The following COL8A2 variants were observed in gnomAD, a reference collection of about 807,000 sequenced individuals.
COL8A2 encodes collagen alpha-2(VIII) chain.
A neutral mutation model predicts 24.0 loss-of-function variants in COL8A2; 16 were observed. That is an observed-to-expected ratio of 0.67 (90% CI 0.45 to 1.01). COL8A2 has a LOEUF of 1.01. Among genes scored for constraint, COL8A2 ranks in the 50% least tolerant of loss-of-function variants. The pLI, the probability that COL8A2 is intolerant of heterozygous loss-of-function variation, is 0.00. For synonymous variants in COL8A2, 466 were observed against 424.5 expected, an observed-to-expected ratio of 1.10 and a Z score of -1.20; for missense variants, 818 against 942.4, an observed-to-expected ratio of 0.87 and a Z score of 1.73.
chr1:36,098,920 G>C lies in COL8A2; in HGVS notation c.761C>G (p.Ser254Cys), dbSNP rs1266519469. ...LPGAPGDKGE[S>C]GPPGVPGPRG... is the part of the protein sequence containing the mutation. The stretch of plus-strand genomic sequence containing the variant: ...GGGGCCTGGAACTCCAGGAGGCCCA[G>C]ACTCACCCTTGTCTCCTGGGGCCCC... Residue 254 changes from serine to cysteine, a missense_variant, in exon 4 of 4, where the codon TCT becomes TGT. Physicochemically the swap from Ser to Cys is moderately radical, Grantham distance 112. Coordinates refer to ENST00000397799, the MANE Select transcript of COL8A2 (RefSeq NM_005202.4). 4 of 1,611,040 alleles carry C rather than the reference G, an allele frequency of 2.5e-6. No homozygotes were observed. The highest frequency in any genetic ancestry group is 3.4e-6 in the Non-Finnish European group (4 of 1,179,152).
rs930662398 is a variant in COL8A2 at position 36,100,116 on chromosome 1, A to T, written c.127T>A (p.Tyr43Asn). The T allele has an allele frequency of 6.2e-7, 1 of 1,612,946 alleles. No homozygotes were observed. Among genetic ancestry groups the T allele is most frequent in the Non-Finnish European group, 8.5e-7 (1 of 1,179,444 alleles). The change falls in exon 3 of 4, where the codon TAC becomes AAC. Residue 43 changes from tyrosine to asparagine, a missense_variant. By Grantham distance (143) the Tyr-to-Asn change is moderately radical. Transcript: ENST00000397799. Reference sequence around the variant, plus strand: ...GGTCCTTTCTGCATGGGCTGGATGTACTTCACTGGGGCATAGCCCGCCGCC... The same window carrying T: ...GGTCCTTTCTGCATGGGCTGGATGTTCTTCACTGGGGCATAGCCCGCCGCC... ...GGAAGYAPVK[Y>N]IQPMQKGPVG... is the part of the protein sequence containing the mutation.
chr1:36,120,130 TC>T (rs1643899667), intron 1 of COL8A2, among the ~76,000 whole-genome samples: 1 of 151,988 alleles, frequency 6.6e-6, no homozygotes, highest in Non-Finnish European at 1.5e-5. Flanking sequence ...TATTCCTCTT[TC>T]CCCCTCCACA....
Position 36,103,201 on chromosome 1 carries a change from G to A in COL8A2, c.-16-2943C>T, listed in dbSNP as rs529303229. Among the ~76,000 whole-genome samples, 6 of 152,304 alleles carry A rather than the reference G, an allele frequency of 3.9e-5. No homozygotes were observed. In the East Asian group the frequency reaches 1.2e-3, roughly 29 times the overall value. ...GCTGGTCTCAAACTCCTGGGCTCAAGCAATCCTCCCACCTTGGCCTCCAAA... is the reference window on the plus strand; with the variant it reads ...GCTGGTCTCAAACTCCTGGGCTCAAACAATCCTCCCACCTTGGCCTCCAAA... On this transcript the variant is annotated intron_variant, in intron 2 of 3. Transcript: ENST00000397799.
intron 1 of COL8A2, among the ~76,000 whole-genome samples, chr1:36,118,748 G>C (rs944371829): frequency 6.6e-6 from 1 of 151,968 alleles, no homozygotes; most frequent in East Asian, 1.9e-4. Context: ...CCTCAGGCCC[G>C]CTTCCCCATT....
At chr1:36,117,415 T>C (rs1367626770) in intron 1 of COL8A2, among the ~76,000 whole-genome samples, 3 of 152,172 alleles carry the variant, frequency 2.0e-5, no homozygotes, top group Non-Finnish European at 4.4e-5. Flanking sequence ...TGGATTTAAC[T>C]GGTTGGTAGT....
chr1:36,122,499 T>C (rs274128), intron 1 of COL8A2, among the ~76,000 whole-genome samples: 138,742 of 152,138 alleles, frequency 0.91, 63,531 homozygotes, highest in East Asian at 1. Flanking sequence ...ACACTCAGCC[T>C]CCAGCTCCCA....
chr1:36,102,323 C>A (rs951100060), intron 2 of COL8A2, among the ~76,000 whole-genome samples: 1 of 152,160 alleles, frequency 6.6e-6, no homozygotes, highest in African/African-American at 2.4e-5. Context: ...GAAAGTGGAT[C>A]AGTGGTTGCC....
chr1:36,105,163 A>T (rs565512276), intron 2 of COL8A2, among the ~76,000 whole-genome samples: 1 of 152,272 alleles, frequency 6.6e-6, no homozygotes, highest in Admixed American at 6.5e-5. Context: ...CTTTGCAGGA[A>T]TTAATGCAGG....
Position 36,123,974 on chromosome 1 carries a change from G to C in COL8A2, c.-62+1083C>G, listed in dbSNP as rs1274574684. ...GGGCAGTAAGGATCAGTCGATCTTA[G>C]CTCAGTCCCCAGAGAGGAACCCCAG... is the stretch of plus-strand genomic sequence containing the variant. On this transcript the variant is annotated intron_variant, in intron 1 of 3. Coordinates refer to ENST00000397799, the MANE Select transcript of COL8A2 (RefSeq NM_005202.4). This position sits in a 1 kb window ranked among gnomAD's most constrained non-coding sequence, Gnocchi z 4.1. Among the ~76,000 whole-genome samples, 1 of 152,070 alleles carries C rather than the reference G, an allele frequency of 6.6e-6. No individual in the cohort carries two copies. Among genetic ancestry groups the C allele is most frequent in the Non-Finnish European group, 1.5e-5 (1 of 68,022 alleles).
intron 1 of COL8A2, among the ~76,000 whole-genome samples, chr1:36,117,192 C>A (rs1207212512): frequency 6.6e-6 from 1 of 152,246 alleles, no homozygotes. Flanking sequence ...GCCTTCTCTC[C>A]AACTCAGCTG....
At chr1:36,112,484 T>C (rs1463189009) in intron 2 of COL8A2, among the ~76,000 whole-genome samples, 2 of 152,058 alleles carry the variant, frequency 1.3e-5, no homozygotes, top group African/African-American at 2.4e-5. Context: ...TCCCCCAAAC[T>C]TCCAACCTTA....
chr1:36,108,878 C>T (rs1643799045), intron 2 of COL8A2, among the ~76,000 whole-genome samples: 1 of 152,196 alleles, frequency 6.6e-6, no homozygotes, highest in African/African-American at 2.4e-5. Flanking sequence ...CTAGAGGCGA[C>T]CAGCAGAGGA....
chr1:36,123,494 T>C lies in COL8A2; in HGVS notation c.-62+1563A>G, dbSNP rs574411899. Among the ~76,000 whole-genome samples, 1 of 152,312 alleles carries C rather than the reference T, an allele frequency of 6.6e-6. No individual in the cohort carries two copies. Among genetic ancestry groups the C allele is most frequent in the Admixed American group, 6.5e-5 (1 of 15,294 alleles). On this transcript the variant is annotated intron_variant, in intron 1 of 3. Transcript: ENST00000397799. The surrounding 1 kb of genome is among the most constrained non-coding windows in gnomAD (Gnocchi z 4.1). The stretch of plus-strand genomic sequence containing the variant: ...AGAGCGGAAATTCTCATTTTCACTG[T>C]GGTAGACGAAGTGAAACCAGAGAAA...
Position 36,100,239 on chromosome 1 carries a change from G to T in COL8A2, c.4C>A (p.Leu2Met). Residue 2 changes from leucine (L) to methionine (M), a missense_variant, in exon 3 of 4, where the codon CTG becomes ATG. Leu to Met is a conservative substitution (Grantham distance 15, BLOSUM62 2). Transcript: ENST00000397799. M[L>M]GTLTPLSSLL... is the part of the protein sequence containing the mutation. ...GAAGACAGGGGTGTCAGAGTCCCCA[G>T]CATGGCGTCCGTGGACGTGCTGCAA... The T allele has an allele frequency of 6.4e-7, 1 of 1,557,780 alleles. No homozygotes were observed. The highest frequency in any genetic ancestry group is 8.7e-7 in the Non-Finnish European group (1 of 1,153,712).
chr1:36,120,094 T>C (rs767988773), intron 1 of COL8A2, among the ~76,000 whole-genome samples: 1 of 152,088 alleles, frequency 6.6e-6, no homozygotes, highest in Non-Finnish European at 1.5e-5. Flanking sequence ...CTGGGCTCTC[T>C]CTGGGTCTGA....
intron 2 of COL8A2, among the ~76,000 whole-genome samples, chr1:36,103,915 T>C (rs1433272475): frequency 1.3e-5 from 2 of 151,268 alleles, no homozygotes; most frequent in African/African-American, 4.9e-5. Context: ...GTGAGTTAGC[T>C]GGGCACCGTG....
chr1:36,103,646 C>A (rs1338950071), intron 2 of COL8A2, among the ~76,000 whole-genome samples: 1 of 151,276 alleles, frequency 6.6e-6, no homozygotes, highest in East Asian at 2.0e-4. Flanking sequence ...ATGAATGGCA[C>A]AATCTCAGCT....
At chr1:36,121,388 CA>C (rs57902365) in intron 1 of COL8A2, among the ~76,000 whole-genome samples, 3,580 of 47,102 alleles carry the variant, frequency 0.076, 21 homozygotes, top group Middle Eastern at 0.18. Flanking sequence ...GACTCTGTCT[CA>C]AAAAAAAAAA....
Position 36,098,302 on chromosome 1 carries a change from C to A in COL8A2, c.1379G>T (p.Gly460Val). ...LGLPGQPGLRGPSGIPGLQGP... is the reference protein window; with the variant it reads ...LGLPGQPGLRVPSGIPGLQGP... ...CTGGAGTCCTGGGATTCCTGAGGGA[C>A]CCCTCAGGCCAGGCTGCCCAGGGAG... The change falls in exon 4 of 4, where the codon GGT becomes GTT. Residue 460 changes from glycine to valine, a missense_variant. Around this residue, in one of 3 missense-constraint regions of COL8A2, gnomAD observed 573 missense variants for 616.8 expected, o/e 0.93. Transcript: ENST00000397799. The A allele has an allele frequency of 6.5e-7, 1 of 1,547,260 alleles. No individual in the cohort carries two copies. Among genetic ancestry groups the A allele is most frequent in the East Asian group, 2.4e-5 (1 of 40,820 alleles).
Sources: allele counts gnomAD v4.1 joint callset (sites outside exome capture counted in the v4.1 genomes callset), GRCh38; gene constraint gnomAD v4.1.1; regional missense constraint gnomAD v4.1.1; non-coding constraint Gnocchi (gnomAD v3.1); transcripts MANE v1.5; gene names NCBI Gene and HGNC (gene_info 2026-07-23, HGNC 2026-07-21).